Variants in OLA1 observed in about 807,000 individuals in gnomAD.
The protein encoded by OLA1 is Obg like ATPase 1.
In OLA1, 14 loss-of-function variants were observed where a neutral mutation model predicts 48.4. The ratio of observed to expected loss-of-function variants is 0.29; its 90% CI spans 0.19 to 0.45. The LOEUF (loss-of-function observed/expected upper bound fraction) is 0.45. OLA1 is among the 20% of genes least tolerant of loss of function. OLA1 has a pLI of 1.00. For synonymous variants in OLA1, 127 were observed against 150.4 expected, an observed-to-expected ratio of 0.84 and a Z score of 1.14; for missense variants, 325 against 467.1, an observed-to-expected ratio of 0.70 and a Z score of 2.80.
At chr2:174,093,715 C>G in intron 7 of OLA1, among the ~76,000 whole-genome samples, 1 of 152,156 alleles carries the variant, frequency 6.6e-6, no homozygotes, top group East Asian at 1.9e-4. Context: ...AGATATGAAG[C>G]CAATATTTGT....
chr2:174,241,629 T>C (rs951617848), intron 2 of OLA1, among the ~76,000 whole-genome samples: 1 of 151,986 alleles, frequency 6.6e-6, no homozygotes, highest in African/African-American at 2.4e-5. Flanking sequence ...TCTTTCAGAG[T>C]AATCGTTTTT....
At position 174,175,835 on chromosome 2, in the gene OLA1, T is replaced by G. The variant is rs141048270; in HGVS notation, c.374-33835A>C. On this transcript the variant is annotated intron_variant, in intron 4 of 10. Coordinates refer to ENST00000284719, the MANE Select transcript of OLA1 (RefSeq NM_013341.5). ...CCAGTTAATGAATGGATAAGCAAAG[T>G]GATAATATTAAAGGCTACATAGTAA... is the stretch of plus-strand genomic sequence containing the variant. Among the ~76,000 whole-genome samples, 536 of 152,114 alleles carry G rather than the reference T, an allele frequency of 3.5e-3. 4 individuals carry two copies. Among genetic ancestry groups the G allele is most frequent in the African/African-American group, 0.012 (500 of 41,540 alleles).
chr2:174,213,653 C>T (rs1200178265), intron 4 of OLA1, among the ~76,000 whole-genome samples: 1 of 152,146 alleles, frequency 6.6e-6, no homozygotes, highest in African/African-American at 2.4e-5. Context: ...CCAAATAACG[C>T]ACCCTGCTTT....
At chr2:174,172,875 C>G (rs1687340755) in intron 4 of OLA1, 1 of 152,338 alleles carries the variant, frequency 6.6e-6, no homozygotes, top group Admixed American at 6.6e-5. Context: ...CTGTCCTCAC[C>G]ATAAGGAGTT....
At chr2:174,161,687 C>T (rs201123917) in intron 4 of OLA1, among the ~76,000 whole-genome samples, 257 of 78,062 alleles carry the variant, frequency 3.3e-3, no homozygotes, top group African/African-American at 9.9e-3. Context: ...AAAATACACA[C>T]ACACACACAC....
chr2:174,205,409 T>C (rs955425697), intron 4 of OLA1, among the ~76,000 whole-genome samples: 1 of 152,176 alleles, frequency 6.6e-6, no homozygotes, highest in Non-Finnish European at 1.5e-5. Flanking sequence ...TAAAGAACAC[T>C]ATTCCCAGAA....
At chr2:174,153,677 T>TAA (rs1686800502) in intron 4 of OLA1, among the ~76,000 whole-genome samples, 1 of 152,230 alleles carries the variant, frequency 6.6e-6, no homozygotes, top group African/African-American at 2.4e-5. Context: ...CACCTGTACT[T>TAA]AATTATATTC....
chr2:174,136,966 C>T (rs1479792550), intron 5 of OLA1, among the ~76,000 whole-genome samples: 10 of 152,116 alleles, frequency 6.6e-5, no homozygotes, highest in South Asian at 2.1e-4. Flanking sequence ...TGAGCCACCA[C>T]GCCCGGCCAT....
At chr2:174,244,450 C>A (rs1383784352) in intron 2 of OLA1, among the ~76,000 whole-genome samples, 1 of 151,896 alleles carries the variant, frequency 6.6e-6, no homozygotes, top group Non-Finnish European at 1.5e-5. Flanking sequence ...TGCTCTATGA[C>A]TAAAAAGCTA....
chr2:174,165,785 C>T (rs1687147930), intron 4 of OLA1, among the ~76,000 whole-genome samples: 1 of 149,106 alleles, frequency 6.7e-6, no homozygotes, highest in South Asian at 2.1e-4. Flanking sequence ...AATGAGAATG[C>T]CGTTCCTCTA....
chr2:174,081,961 C>T lies in OLA1; in HGVS notation c.832G>A (p.Glu278Lys). ...TTCGCTTCCAGATACTTCTGTCTCTCCTCAGCACTCAATTCTTGCAACTTG... is the reference window on the plus strand; with the variant it reads ...TTCGCTTCCAGATACTTCTGTCTCTTCTCAGCACTCAATTCTTGCAACTTG... ...ELKLQELSAE[E>K]RQKYLEANMT... is the part of the protein sequence containing the mutation. The change falls in exon 8 of 11, where the codon GAG becomes AAG. Residue 278 changes from glutamate to lysine, a missense_variant. Coordinates refer to ENST00000284719, the MANE Select transcript of OLA1 (RefSeq NM_013341.5). 6.2e-7 allele frequency: 1 copy of T among 1,613,026 alleles called. No individual in the cohort carries two copies. Among genetic ancestry groups the T allele is most frequent in the Admixed American group, 1.7e-5 (1 of 59,996 alleles).
At chr2:174,100,529 TG>T (rs1189308079) in intron 7 of OLA1, among the ~76,000 whole-genome samples, 3 of 152,156 alleles carry the variant, frequency 2.0e-5, no homozygotes, top group Admixed American at 2.0e-4. Context: ...CTCAGCCTTC[TG>T]AGTAGCTGGG....
chr2:174,197,432 GTT>G (rs35782392), intron 4 of OLA1, among the ~76,000 whole-genome samples: 89 of 148,686 alleles, frequency 6.0e-4, no homozygotes, highest in East Asian at 2.0e-3. Flanking sequence ...TTGGTTTGTT[GTT>G]TTTTTTTTTT....
In OLA1 at chr2:174,219,960, C is replaced by T. The variant is rs1023334576; in HGVS notation, c.373+3073G>A. ...CAGCCTGGCCAACATGGTGAAATCC[C>T]GTCTCTACTAAAAATACAAAAAGTA... On this transcript the variant is annotated intron_variant, in intron 4 of 10. Coordinates refer to ENST00000284719, the MANE Select transcript of OLA1 (RefSeq NM_013341.5). Among the ~76,000 whole-genome samples, 12 of 151,928 alleles carry T rather than the reference C, an allele frequency of 7.9e-5. 1 individual carries two copies. The highest frequency in any genetic ancestry group is 1.2e-4 in the Non-Finnish European group (8 of 67,974).
At chr2:174,096,825 T>A (rs13016844) in intron 7 of OLA1, among the ~76,000 whole-genome samples, 5 of 152,174 alleles carry the variant, frequency 3.3e-5, no homozygotes, top group Non-Finnish European at 7.4e-5. Flanking sequence ...AAAAATACTG[T>A]TATATTGCCT....
intron 4 of OLA1, among the ~76,000 whole-genome samples, chr2:174,151,572 G>A (rs1488248941): frequency 6.6e-6 from 1 of 151,986 alleles, no homozygotes; most frequent in Non-Finnish European, 1.5e-5. Context: ...TACAATGTTA[G>A]AAATCAAGAC....
chr2:174,245,073 T>TA (rs772087687), intron 2 of OLA1, among the ~76,000 whole-genome samples: 7 of 152,230 alleles, frequency 4.6e-5, no homozygotes, highest in Non-Finnish European at 8.8e-5. Context: ...CAAGTTGTAG[T>TA]AACTGCAACA....
chr2:174,123,741 A>G (rs1039697572), intron 5 of OLA1, 66 bp from the exon 6 acceptor site: 4 of 769,522 alleles, frequency 5.2e-6, no homozygotes, highest in Non-Finnish European at 7.8e-6. Context: ...TAAATATTAA[A>G]AAGTTTTCAA....
At chr2:174,150,554 T>C (rs77953174) in intron 4 of OLA1, among the ~76,000 whole-genome samples, 8,350 of 152,328 alleles carry the variant, frequency 0.055, 307 homozygotes, top group Middle Eastern at 0.15. Context: ...TAGACCTATC[T>C]GACTTATGCT....
Sources: gnomAD v4.1 joint callset for allele counts (sites outside exome capture counted in the v4.1 genomes callset) on GRCh38, gnomAD v4.1.1 for gene constraint, MANE v1.5 for transcripts, NCBI Gene and HGNC (gene_info 2026-07-23, HGNC 2026-07-21) for gene names.